EGF: variants seen among roughly 807,000 people sequenced by gnomAD.
EGF encodes the protein epidermal growth factor, also known as pro-epidermal growth factor.
Under a neutral mutation model 143.8 loss-of-function variants are expected in EGF, and 95 were observed. The ratio of observed to expected loss-of-function variants is 0.66; its 90% CI spans 0.56 to 0.78. The LOEUF is 0.78. Among genes scored for constraint, EGF ranks in the 30% least tolerant of loss-of-function variants. The pLI is 0.00. For synonymous variants in EGF, 510 were observed against 510.5 expected (o/e 1.00, Z 0.01); for missense variants, 1,320 against 1,470.9 (o/e 0.90, Z 1.68).
In EGF at chr4:109,983,469, T is replaced by C; in HGVS notation, c.2419T>C (p.Ser807Pro). 1 of 1,613,800 alleles carries C rather than the reference T, an allele frequency of 6.2e-7. No individual in the cohort carries two copies. The highest frequency in any genetic ancestry group is 8.5e-7 in the Non-Finnish European group (1 of 1,179,826). The change falls in exon 16 of 24, where the codon TCC becomes CCC. Residue 807 changes from serine to proline, a missense_variant. Physicochemically the swap from Ser to Pro is moderately conservative, Grantham distance 74. Transcript: ENST00000265171. Reference protein sequence around the residue: ...KNQVTPLDILSKTRVSEDNIT... With the variant: ...KNQVTPLDILPKTRVSEDNIT... The stretch of plus-strand genomic sequence containing the variant: ...CCAAGTAACACCATTGGACATCTTG[T>C]CCAAGACTAGAGTGTCAGAAGATAA...
intron 5 of EGF, among the ~76,000 whole-genome samples, chr4:109,950,352 C>G (rs1334977035): frequency 6.6e-6 from 1 of 152,126 alleles, no homozygotes; most frequent in Non-Finnish European, 1.5e-5. Flanking sequence ...CACTCTCATC[C>G]CATGAAATCA....
intron 15 of EGF, among the ~76,000 whole-genome samples, chr4:109,983,209 C>G (rs940583357): frequency 1.9e-4 from 29 of 152,184 alleles, no homozygotes; most frequent in East Asian, 1.9e-4. Flanking sequence ...CCTTATCCCC[C>G]GAATCATTAA....
At position 109,976,088 on chromosome 4, in the gene EGF, A is replaced by G. The variant is rs758084747; in HGVS notation, c.1906A>G (p.Ile636Val). ...SSLQGLGRLV[I>V]ASSDLIWPSG... The stretch of plus-strand genomic sequence containing the variant: ...CCTCCAAGGCCTTGGCCGTCTGGTT[A>G]TAGCCAGCTCTGATCTAATCTGGCC... Residue 636 changes from isoleucine (I) to valine (V), a missense_variant, in exon 13 of 24, where the codon ATA (isoleucine) becomes GTA (valine). Physicochemically the swap from Ile to Val is conservative, Grantham distance 29. This residue lies in a region of EGF where 1,186 missense variants were observed against 1,313.7 expected (regional missense o/e 0.90). Transcript: ENST00000265171. 8 of 1,614,112 alleles carry G rather than the reference A, an allele frequency of 5.0e-6. No homozygotes were observed. In the South Asian group the frequency reaches 7.7e-5, roughly 16 times the overall value.
intron 9 of EGF, among the ~76,000 whole-genome samples, chr4:109,963,545 A>G (rs1746052667): frequency 6.6e-6 from 1 of 152,226 alleles, no homozygotes; most frequent in African/African-American, 2.4e-5. Context: ...GAATATTTTT[A>G]GTATATGAGA....
intron 1 of EGF, among the ~76,000 whole-genome samples, chr4:109,922,336 C>T (rs1737947843): frequency 6.6e-6 from 1 of 151,498 alleles, no homozygotes; most frequent in African/African-American, 2.4e-5. Flanking sequence ...GAAAAATGTT[C>T]ATCTAGGATT....
At chr4:109,933,250 C>A (rs974424020) in intron 1 of EGF, among the ~76,000 whole-genome samples, 2 of 152,136 alleles carry the variant, frequency 1.3e-5, no homozygotes, top group Non-Finnish European at 2.9e-5. Flanking sequence ...CGTGATTCTA[C>A]AACTGCAGTG....
intron 10 of EGF, among the ~76,000 whole-genome samples, chr4:109,966,234 G>C (rs374675706): frequency 6.6e-6 from 1 of 151,992 alleles, no homozygotes; most frequent in South Asian, 2.1e-4. Context: ...TCCAATGTCT[G>C]TTATTCCACT....
At chr4:109,914,941 T>G (rs1010277135) in intron 1 of EGF, among the ~76,000 whole-genome samples, 1 of 152,186 alleles carries the variant, frequency 6.6e-6, no homozygotes. Flanking sequence ...GTTGGGCCGA[T>G]CTATCAGGCA....
Position 109,992,170 on chromosome 4 carries a change from TAAAAAAAAAAAA to T in EGF, c.2735-1058_2735-1047del, listed in dbSNP as rs58841408. 3.8e-3 allele frequency among the ~76,000 whole-genome samples: 250 copies of T among 65,636 alleles called. 6 individuals carry two copies. The East Asian group carries it at 0.064, about 17-fold the overall frequency. 43.1% of individuals were successfully genotyped at this position (65,636 alleles called of 152,430 possible). On this transcript the variant is annotated intron_variant, in intron 18 of 23. Coordinates refer to ENST00000265171, the MANE Select transcript of EGF (RefSeq NM_001963.6). ...TCCTTAGCAACCAAGCAAGATTCTT[TAAAAAAAAAAAA>T]AAAAAAAAAAAAAAAAAAGACAGAG...
At chr4:109,985,764 A>G (rs1053754083) in intron 16 of EGF, among the ~76,000 whole-genome samples, 1 of 152,228 alleles carries the variant, frequency 6.6e-6, no homozygotes, top group African/African-American at 2.4e-5. Context: ...GCCTTTGTCA[A>G]TAGCAGAGCC....
Position 109,994,840 on chromosome 4 carries a change from G to C in EGF, c.2965G>C (p.Val989Leu). The change falls in exon 20 of 24, where the codon GTG (valine) becomes CTG (leucine). Residue 989 changes from valine (V) to leucine (L), a missense_variant. Physicochemically the swap from Val to Leu is conservative, Grantham distance 32 (BLOSUM62 1). Around this residue, in one of 5 missense-constraint regions of EGF, gnomAD observed 1,186 missense variants for 1,313.7 expected, o/e 0.90. Coordinates refer to ENST00000265171, the MANE Select transcript of EGF (RefSeq NM_001963.6). ...CGATGGGTACTGCCTCCATGATGGTGTGTGCATGTATATTGAAGCATTGGA... is the reference window on the plus strand; with the variant it reads ...CGATGGGTACTGCCTCCATGATGGTCTGTGCATGTATATTGAAGCATTGGA... ...SHDGYCLHDG[V>L]CMYIEALDKY... The C allele has an allele frequency of 6.2e-7, 1 of 1,614,186 alleles. No homozygotes were observed. The highest frequency in any genetic ancestry group is 8.5e-7 in the Non-Finnish European group (1 of 1,180,006).
intron 1 of EGF, among the ~76,000 whole-genome samples, chr4:109,914,325 A>G (rs927049201): frequency 1.3e-5 from 2 of 152,160 alleles, no homozygotes; most frequent in African/African-American, 4.8e-5. Context: ...CCCTTTTGAG[A>G]TGGCGTCTGG....
chr4:109,970,157 A>G (rs1375353504), intron 11 of EGF, among the ~76,000 whole-genome samples: 2 of 152,176 alleles, frequency 1.3e-5, no homozygotes, highest in African/African-American at 2.4e-5. Flanking sequence ...CTTGGTGTGT[A>G]TGCAGCCTGC....
chr4:110,000,216 A>G, intron 21 of EGF, among the ~76,000 whole-genome samples: 1 of 140,444 alleles, frequency 7.1e-6, no homozygotes, highest in East Asian at 2.1e-4. Flanking sequence ...ATGCCACTCC[A>G]CTCCAGCATG....
chr4:109,968,699 T>TAC (rs1560708073), intron 10 of EGF: 19 of 397,210 alleles, frequency 4.8e-5, no homozygotes, highest in Admixed American at 1.5e-4. Flanking sequence ...TATCTATCTA[T>TAC]CTATCTATCT....
At chr4:109,988,842 C>T (rs112618935) in intron 18 of EGF, 133 bp downstream of exon 18, 21 of 1,366,714 alleles carry the variant, frequency 1.5e-5, no homozygotes, top group Middle Eastern at 2.5e-4. Flanking sequence ...AAGAGTTGTG[C>T]GACCTGCTCA....
rs1749278691 is a variant in EGF at position 109,980,991 on chromosome 4, A to G, written c.2371+16A>G. On this transcript the variant is annotated intron_variant, in intron 15 of 23. Coordinates refer to ENST00000265171, the MANE Select transcript of EGF (RefSeq NM_001963.6). Reference sequence around the variant, plus strand: ...CTGTTGGCAGGTAATATAATAAATTATGTGGCAAATTACCTAACGTTGGCT... The same window carrying G: ...CTGTTGGCAGGTAATATAATAAATTGTGTGGCAAATTACCTAACGTTGGCT... 4 of 1,614,064 alleles carry G rather than the reference A, an allele frequency of 2.5e-6. No homozygotes were observed. In the East Asian group the frequency reaches 8.9e-5, roughly 36 times the overall value.
chr4:109,960,771 T>C, intron 6 of EGF, 96 bp from the exon 7 acceptor site: 1 of 1,402,210 alleles, frequency 7.1e-7, no homozygotes, highest in Non-Finnish European at 1.0e-6. Context: ...CATATACAAG[T>C]GTGAGATACC....
chr4:109,972,339 G>A (rs189186828), intron 11 of EGF, among the ~76,000 whole-genome samples: 3 of 152,248 alleles, frequency 2.0e-5, no homozygotes, highest in East Asian at 3.9e-4. Flanking sequence ...AAATTCCAGC[G>A]ATCTTGCCTT....
Sources: gnomAD v4.1 joint callset for allele counts (sites outside exome capture counted in the v4.1 genomes callset) on GRCh38, gnomAD v4.1.1 for gene constraint, gnomAD v4.1.1 regional missense constraint, MANE v1.5 for transcripts, NCBI Gene and HGNC (gene_info 2026-07-23, HGNC 2026-07-21) for gene names.